The following SIL1 variants were observed in gnomAD, a reference collection of about 807,000 sequenced individuals.
SIL1 encodes the protein SIL1 nucleotide exchange factor, also known as nucleotide exchange factor SIL1.
Under a neutral mutation model 49.1 loss-of-function variants are expected in SIL1, and 40 were observed. That is an observed-to-expected ratio of 0.81 (90% CI 0.63 to 1.06). The LOEUF (loss-of-function observed/expected upper bound fraction) is 1.06, where lower values mean the gene tolerates loss of function less well. Among genes scored for constraint, SIL1 ranks in the 50% least tolerant of loss-of-function variants. The pLI is 0.00. For synonymous variants in SIL1, 253 were observed against 250.8 expected, an observed-to-expected ratio of 1.01 and a Z score of -0.08; for missense variants, 500 against 572.6, an observed-to-expected ratio of 0.87 and a Z score of 1.29.
At chr5:139,020,042 TC>T (rs1230903430) in intron 7 of SIL1, among the ~76,000 whole-genome samples, 5 of 152,212 alleles carry the variant, frequency 3.3e-5, no homozygotes, top group African/African-American at 4.8e-5. Context: ...GGAGGAGATT[TC>T]CCTGGGCTTC....
chr5:139,158,209 A>G, intron 1 of SIL1, among the ~76,000 whole-genome samples: 1 of 152,214 alleles, frequency 6.6e-6, no homozygotes, highest in East Asian at 1.9e-4. Context: ...CCAAAGCCCA[A>G]GATCTTAACT....
chr5:138,959,686 G>C (rs551223112), intron 7 of SIL1, among the ~76,000 whole-genome samples: 22 of 152,202 alleles, frequency 1.4e-4, no homozygotes, highest in Non-Finnish European at 2.9e-4. Flanking sequence ...TCCTGACAAT[G>C]CTCTATGGGA....
At chr5:138,996,929 C>G (rs1399565990) in intron 7 of SIL1, among the ~76,000 whole-genome samples, 2 of 152,128 alleles carry the variant, frequency 1.3e-5, no homozygotes, top group Admixed American at 1.3e-4. Flanking sequence ...TGTCCTGGAG[C>G]CTTTCTCCAA....
intron 3 of SIL1, among the ~76,000 whole-genome samples, chr5:139,059,420 C>T (rs902248270): frequency 5.9e-5 from 9 of 152,200 alleles, no homozygotes; most frequent in African/African-American, 2.2e-4. Context: ...AACCTCTTTC[C>T]TTTATAAATT....
chr5:138,954,889 G>C (rs1331771104), intron 7 of SIL1, among the ~76,000 whole-genome samples: 2 of 152,226 alleles, frequency 1.3e-5, no homozygotes, highest in Non-Finnish European at 2.9e-5. Context: ...GTAAAAGACA[G>C]AACAGTTAAT....
intron 3 of SIL1, among the ~76,000 whole-genome samples, chr5:139,095,406 C>T (rs562659081): frequency 5.3e-5 from 8 of 152,008 alleles, no homozygotes; most frequent in East Asian, 1.9e-4. Context: ...GAATTACAGG[C>T]GTGCGCCACC....
At chr5:138,980,409 T>G (rs1176672333) in intron 7 of SIL1, among the ~76,000 whole-genome samples, 1 of 152,150 alleles carries the variant, frequency 6.6e-6, no homozygotes, top group African/African-American at 2.4e-5. Flanking sequence ...GTGGACAGTT[T>G]GGACAACCAG....
intron 1 of SIL1, among the ~76,000 whole-genome samples, chr5:139,189,370 G>A (rs1648410863): frequency 6.6e-6 from 1 of 152,178 alleles, no homozygotes; most frequent in South Asian, 2.1e-4. Context: ...GCATGCAAGG[G>A]ATCTAGGTTG....
intron 7 of SIL1, among the ~76,000 whole-genome samples, chr5:138,995,372 GT>G (rs199575226): frequency 0.014 from 2,107 of 151,710 alleles, 49 homozygotes; most frequent in African/African-American, 0.047. Context: ...AGCCTCCCAA[GT>G]AGCTGGGATT....
chr5:138,991,108 A>C (rs561842614), intron 7 of SIL1, among the ~76,000 whole-genome samples: 36 of 152,342 alleles, frequency 2.4e-4, no homozygotes, highest in South Asian at 2.1e-3. Context: ...TATAGCCTAC[A>C]CCATCCTGCA....
chr5:139,182,409 A>C (rs1195447538), intron 1 of SIL1, among the ~76,000 whole-genome samples: 1 of 152,228 alleles, frequency 6.6e-6, no homozygotes, highest in Non-Finnish European at 1.5e-5. Context: ...AGGGCTAAGC[A>C]GGTCCTGGCA....
chr5:139,027,284 C>T (rs1342320641), intron 5 of SIL1, among the ~76,000 whole-genome samples: 2 of 152,132 alleles, frequency 1.3e-5, no homozygotes, highest in African/African-American at 4.8e-5. Context: ...TTGTCACAAC[C>T]ACTGAGTTAA....
At chr5:138,977,996 C>G (rs1340141848) in intron 7 of SIL1, among the ~76,000 whole-genome samples, 1 of 152,228 alleles carries the variant, frequency 6.6e-6, no homozygotes, top group East Asian at 1.9e-4. Context: ...CTGTAACTAA[C>G]TCATCTAAAG....
intron 3 of SIL1, among the ~76,000 whole-genome samples, chr5:139,115,051 A>C (rs146114225): frequency 1.5e-4 from 23 of 151,890 alleles, no homozygotes; most frequent in African/African-American, 5.3e-4. Context: ...GTGCATGTCT[A>C]TGTATAAAGG....
intron 7 of SIL1, among the ~76,000 whole-genome samples, chr5:138,985,543 G>C (rs1767632433): frequency 6.6e-6 from 1 of 152,178 alleles, no homozygotes; most frequent in African/African-American, 2.4e-5. Context: ...CGCTGCCAGG[G>C]ACTTGGCATG....
rs932847140 is a variant in SIL1, at chr5:139,021,266, G to A, written c.672C>T (p.Ser224=). 2.5e-6 allele frequency: 4 copies of A among 1,614,036 alleles called. No individual in the cohort carries two copies. In the African/African-American group the frequency reaches 5.3e-5, roughly 22 times the overall value. ...TGATCACCACTTGAAGACCACCAAA[G>A]GAAAGCAGGTCCTGCGCATTGTCCA... ...HQMDNAQDLL[S]FGGLQVVING... The change falls in exon 7 of 10, where the codon TCC becomes TCT. Residue 224 remains serine, a synonymous_variant. Transcript: ENST00000394817.
At chr5:139,043,815 G>A (rs1769096589) in intron 4 of SIL1, among the ~76,000 whole-genome samples, 1 of 152,208 alleles carries the variant, frequency 6.6e-6, no homozygotes, top group Non-Finnish European at 1.5e-5. Context: ...GCACAAGAAT[G>A]ATGTGCACGA....
chr5:139,140,109 A>C (rs1358851361), intron 1 of SIL1, among the ~76,000 whole-genome samples: 1 of 152,162 alleles, frequency 6.6e-6, no homozygotes, highest in Non-Finnish European at 1.5e-5. Context: ...GTCTCTACTA[A>C]AAATACAAAA....
At chr5:138,969,569 T>C (rs1419789150) in intron 7 of SIL1, among the ~76,000 whole-genome samples, 1 of 152,218 alleles carries the variant, frequency 6.6e-6, no homozygotes, top group African/African-American at 2.4e-5. Context: ...CACAGTCAGC[T>C]CTGCCCGAGG....
Sources: gnomAD v4.1 joint callset for allele counts (sites outside exome capture counted in the v4.1 genomes callset) on GRCh38, gnomAD v4.1.1 for gene constraint, MANE v1.5 for transcripts, NCBI Gene and HGNC (gene_info 2026-07-23, HGNC 2026-07-21) for gene names.